RAB38: variants seen among roughly 807,000 people sequenced by gnomAD.
The protein encoded by RAB38 is RAB38, member RAS oncogene family, also known as ras-related protein Rab-38.
Under a neutral mutation model 18.4 loss-of-function variants are expected in RAB38, and 15 were observed. That is an observed-to-expected ratio of 0.82 (90% CI 0.55 to 1.26). The LOEUF (loss-of-function observed/expected upper bound fraction) is 1.26, where lower values mean the gene tolerates loss of function less well. RAB38 is among the 50% of genes most tolerant of loss of function. RAB38 has a pLI of 0.00. For synonymous variants in RAB38, 101 were observed against 104.4 expected, an observed-to-expected ratio of 0.97 and a Z score of 0.20; for missense variants, 294 against 267.4, an observed-to-expected ratio of 1.10 and a Z score of -0.69.
At position 88,114,143 on chromosome 11, in the gene RAB38, A is replaced by G. The variant is rs1347513324; in HGVS notation, c.484-3T>C. The G allele has an allele frequency of 1.9e-6, 3 of 1,613,846 alleles. No homozygotes were observed. The highest frequency in any genetic ancestry group is 2.2e-5 in the East Asian group (1 of 44,878). The stretch of plus-strand genomic sequence containing the variant: ...GCTTCATCAATGTTTATATTTTCCT[A>G]TGAGGGAAAAAATAAAACAGCTTTT... On this transcript the variant is annotated splice_polypyrimidine_tract_variant and splice_region_variant and intron_variant, in intron 2 of 2. Transcript: ENST00000243662.
intron 1 of RAB38, 46 bp downstream of exon 1, chr11:88,175,137 G>A: frequency 6.7e-7 from 1 of 1,502,736 alleles, no homozygotes; most frequent in Non-Finnish European, 8.9e-7. Context: ...ACTGGAAACC[G>A]GCCGCGAGGC....
the RAB38 span, among the ~76,000 whole-genome samples, chr11:87,804,482 G>T: frequency 0.11 from 16,295 of 152,064 alleles, 1,462 homozygotes; most frequent in African/African-American, 0.23. Context: ...CTTCTCCCTG[G>T]GACATAGGAC....
At chr11:88,076,375 T>C in the RAB38 span, among the ~76,000 whole-genome samples, 3 of 152,240 alleles carry the variant, frequency 2.0e-5, no homozygotes, top group East Asian at 5.8e-4. Context: ...AAGACAAAGA[T>C]ACCTACTTTC....
the RAB38 span, among the ~76,000 whole-genome samples, chr11:88,063,247 A>G: frequency 0.017 from 2,535 of 152,248 alleles, 60 homozygotes; most frequent in African/African-American, 0.056. Flanking sequence ...TAAGTTTTTG[A>G]GGTAATTGTA....
At chr11:88,172,183 T>G (rs1943318127) in intron 1 of RAB38, among the ~76,000 whole-genome samples, 1 of 152,208 alleles carries the variant, frequency 6.6e-6, no homozygotes, top group African/African-American at 2.4e-5. Context: ...CAGGCAAAGT[T>G]ACTTCATTTC....
the RAB38 span, among the ~76,000 whole-genome samples, chr11:87,917,545 T>C: frequency 6.6e-6 from 1 of 151,296 alleles, no homozygotes; most frequent in African/African-American, 2.4e-5. Flanking sequence ...TTTTTTTTTT[T>C]TTTTTTTCAG....
the RAB38 span, among the ~76,000 whole-genome samples, chr11:87,903,369 A>AT: frequency 1.1e-3 from 169 of 151,308 alleles, 1 homozygote; most frequent in African/African-American, 3.6e-3. Context: ...ATATTGATGG[A>AT]TTTTTTTAGT....
chr11:88,105,622 C>A, the RAB38 span, among the ~76,000 whole-genome samples: 2 of 152,130 alleles, frequency 1.3e-5, no homozygotes, highest in African/African-American at 4.8e-5. Flanking sequence ...TGTGTTCACC[C>A]AGCTGTCACA....
At chr11:87,950,269 G>A in the RAB38 span, among the ~76,000 whole-genome samples, 7 of 151,844 alleles carry the variant, frequency 4.6e-5, no homozygotes, top group Non-Finnish European at 7.4e-5. Context: ...TTTATTTTGA[G>A]CCTATGTGTG....
At chr11:87,975,642 A>G in the RAB38 span, among the ~76,000 whole-genome samples, 2 of 151,888 alleles carry the variant, frequency 1.3e-5, no homozygotes, top group Admixed American at 6.6e-5. Flanking sequence ...AGTAAAATAC[A>G]TGACAAAAAC....
the RAB38 span, among the ~76,000 whole-genome samples, chr11:88,028,661 A>T: frequency 6.6e-6 from 1 of 152,194 alleles, no homozygotes; most frequent in Non-Finnish European, 1.5e-5. Flanking sequence ...AAATGAAGCG[A>T]GAGGAGAAGT....
At chr11:88,146,632 A>G (rs12278560) in intron 2 of RAB38, among the ~76,000 whole-genome samples, 16,050 of 152,224 alleles carry the variant, frequency 0.11, 1,086 homozygotes, top group African/African-American at 0.18. Context: ...GAGATCTTTA[A>G]AAAGAATTTT....
the RAB38 span, among the ~76,000 whole-genome samples, chr11:87,964,897 T>C: frequency 5.6e-4 from 86 of 152,320 alleles, no homozygotes; most frequent in Non-Finnish European, 1.1e-3. Context: ...GTTATCTATA[T>C]ATTAACAGCT....
the RAB38 span, among the ~76,000 whole-genome samples, chr11:87,958,895 T>C: frequency 6.6e-6 from 1 of 152,162 alleles, no homozygotes; most frequent in African/African-American, 2.4e-5. Flanking sequence ...TTCTGTAAAT[T>C]GATTAGAGAG....
the RAB38 span, among the ~76,000 whole-genome samples, chr11:87,890,227 G>A: frequency 4.6e-5 from 7 of 151,960 alleles, no homozygotes; most frequent in African/African-American, 7.2e-5. Flanking sequence ...ATGTGATCCA[G>A]ACTATTTATA....
At chr11:87,973,467 G>C in the RAB38 span, among the ~76,000 whole-genome samples, 1 of 151,940 alleles carries the variant, frequency 6.6e-6, no homozygotes, top group Non-Finnish European at 1.5e-5. Context: ...GAGAAGCACA[G>C]AGAGAGAGCA....
the RAB38 span, among the ~76,000 whole-genome samples, chr11:88,052,556 G>A: frequency 6.6e-6 from 1 of 151,840 alleles, no homozygotes; most frequent in Non-Finnish European, 1.5e-5. Context: ...TGCTTCCTTA[G>A]GTCTGTATTT....
intron 1 of RAB38, among the ~76,000 whole-genome samples, chr11:88,153,852 A>G (rs1220478557): frequency 6.6e-6 from 1 of 152,214 alleles, no homozygotes; most frequent in Non-Finnish European, 1.5e-5. Context: ...AGAGCCTTTT[A>G]GCATGCCTCA....
chr11:88,124,621 C>T (rs549006318), intron 2 of RAB38, among the ~76,000 whole-genome samples: 13 of 152,292 alleles, frequency 8.5e-5, no homozygotes, highest in Admixed American at 2.6e-4. Context: ...AAATTCCTGA[C>T]GTCTAACTCC....
Sources: gnomAD v4.1 joint callset for allele counts (sites outside exome capture counted in the v4.1 genomes callset) on GRCh38, gnomAD v4.1.1 for gene constraint, MANE v1.5 for transcripts, NCBI Gene and HGNC (gene_info 2026-07-23, HGNC 2026-07-21) for gene names.